Variants in WDR41 observed in about 807,000 individuals in gnomAD.
WDR41 encodes WD repeat domain 41.
Under a neutral mutation model 69.3 loss-of-function variants are expected in WDR41, and 63 were observed. The ratio of observed to expected loss-of-function variants is 0.91; its 90% CI spans 0.74 to 1.12. WDR41 has a LOEUF of 1.12. Ranked by LOEUF, WDR41 falls within the 50% of genes most tolerant of loss-of-function variation. The probability of loss-of-function intolerance (pLI) is 0.00; values close to 1 mark genes in which losing one functional copy is unlikely to be tolerated. For synonymous variants in WDR41, 185 were observed against 192.1 expected (o/e 0.96, Z 0.31); for missense variants, 543 against 534.5 (o/e 1.02, Z -0.16).
chr5:77,584,359 A>C (rs966412956), intron 1 of WDR41, among the ~76,000 whole-genome samples: 1 of 152,212 alleles, frequency 6.6e-6, no homozygotes, highest in Admixed American at 6.5e-5. Context: ...ACACTAAAAA[A>C]CTATTAAAAC....
chr5:77,440,963 C>T lies in WDR41; in HGVS notation c.732G>A (p.Glu244=). The stretch of plus-strand genomic sequence containing the variant: ...AGTCCAGGGCATCCCAGATGATCAG[C>T]TCTCCGACGTGGGAGCCGGTGACAA... ...LSFVTGSHVG[E]LIIWDALDWT... Residue 244 remains glutamate, a synonymous_variant, in exon 9 of 13, where the codon GAG becomes GAA. Transcript: ENST00000296679. The T allele has an allele frequency of 6.2e-7, 1 of 1,613,754 alleles. No individual in the cohort carries two copies. The highest frequency in any genetic ancestry group is 8.5e-7 in the Non-Finnish European group (1 of 1,179,920).
At chr5:77,521,296 G>T (rs1802367371) in intron 1 of WDR41, among the ~76,000 whole-genome samples, 1 of 152,236 alleles carries the variant, frequency 6.6e-6, no homozygotes, top group Admixed American at 6.5e-5. Flanking sequence ...TTGAGCTCCT[G>T]TGAGAATCTA....
chr5:77,549,951 A>G (rs1223331287), intron 1 of WDR41, among the ~76,000 whole-genome samples: 2 of 152,164 alleles, frequency 1.3e-5, no homozygotes, highest in Non-Finnish European at 2.9e-5. Flanking sequence ...CACACCTGCA[A>G]CCATCTGATA....
At chr5:77,471,575 T>TA (rs1470061350) in intron 2 of WDR41, among the ~76,000 whole-genome samples, 1 of 151,708 alleles carries the variant, frequency 6.6e-6, no homozygotes, top group East Asian at 1.9e-4. Context: ...ATAGACGCAA[T>TA]AAAAAATGAT....
chr5:77,582,848 G>T (rs1184082515), intron 1 of WDR41: 35 of 1,603,192 alleles, frequency 2.2e-5, no homozygotes, highest in Non-Finnish European at 2.5e-5. Context: ...TACAAGCGTG[G>T]TTATGGCAAA....
At chr5:77,542,728 T>C (rs908102288) in intron 1 of WDR41, among the ~76,000 whole-genome samples, 1 of 152,036 alleles carries the variant, frequency 6.6e-6, no homozygotes, top group African/African-American at 2.4e-5. Context: ...GACATCTAAA[T>C]AGAAAAAAGA....
rs202104824 is a variant in WDR41 at position 77,492,241 on chromosome 5, G to A, written c.-21C>T. On this transcript the variant is annotated 5_prime_UTR_variant, in exon 1 of 13. Transcript: ENST00000296679. ...AACATCCGGGCAGCGGCGGCGTCTT[G>A]CCCGGTCCAGCCCCAGTCAGCCCAA... is the stretch of plus-strand genomic sequence containing the variant. The A allele has an allele frequency of 2.5e-5, 40 of 1,611,550 alleles. No homozygotes were observed. The African/African-American group carries it at 5.2e-4, about 21-fold the overall frequency.
intron 11 of WDR41, 45 bp downstream of exon 11, chr5:77,437,290 GA>G: frequency 6.6e-7 from 1 of 1,515,366 alleles, no homozygotes. Context: ...TTTCACGTGA[GA>G]AAAAAGGAGA....
At chr5:77,492,532 G>C (rs1467154454), upstream of WDR41, 3 of 351,556 alleles carry the variant, frequency 8.5e-6, no homozygotes, top group African/African-American at 6.4e-5. Flanking sequence ...GCGCCGCCGG[G>C]TAGCGCACGG....
intron 2 of WDR41, among the ~76,000 whole-genome samples, chr5:77,472,244 C>G (rs569085441): frequency 4.1e-4 from 63 of 152,318 alleles, no homozygotes; most frequent in South Asian, 1.2e-3. Flanking sequence ...TAAAAACTCT[C>G]AATAAATTAG....
upstream of WDR41, among the ~76,000 whole-genome samples, chr5:77,494,378 A>C (rs1801908942): frequency 6.6e-6 from 1 of 152,088 alleles, no homozygotes; most frequent in Non-Finnish European, 1.5e-5. Flanking sequence ...TGACAAAAAA[A>C]AACCAAACTC....
At chr5:77,592,043 A>G (rs1253624110) in intron 1 of WDR41, among the ~76,000 whole-genome samples, 1 of 152,118 alleles carries the variant, frequency 6.6e-6, no homozygotes, top group Non-Finnish European at 1.5e-5. Context: ...TATTGAGGCC[A>G]TGTTATTAAG....
At position 77,574,500 on chromosome 5, in the gene WDR41, T is replaced by C. The variant is rs540480237; in HGVS notation, c.42+45979A>G. 2.5e-3 allele frequency among the ~76,000 whole-genome samples: 377 copies of C among 152,226 alleles called. 1 individual carries two copies. The highest frequency in any genetic ancestry group is 8.7e-3 in the African/African-American group (360 of 41,520). On this transcript the variant is annotated intron_variant, in intron 1 of 5. Coordinates refer to the WDR41 transcript ENST00000509971. ...GTGACGTATAAGCCAATAAACACTA[T>C]GTAGGTTTTTTATGTATATTTTTTT... is the stretch of plus-strand genomic sequence containing the variant.
intron 1 of WDR41, among the ~76,000 whole-genome samples, chr5:77,601,929 T>C (rs147079099): frequency 2.2e-4 from 34 of 152,354 alleles, no homozygotes; most frequent in East Asian, 1.4e-3. Context: ...TTGAATCCAT[T>C]AGCTCAAGTA....
At chr5:77,490,822 CA>C (rs1009202397) in intron 1 of WDR41, among the ~76,000 whole-genome samples, 80 of 152,318 alleles carry the variant, frequency 5.3e-4, no homozygotes, top group African/African-American at 1.9e-3. Context: ...CAATAATCCA[CA>C]ATCTCAAGGA....
Position 77,451,284 on chromosome 5 carries a change from T to C in WDR41, c.586+7A>G. The C allele has an allele frequency of 1.2e-6, 2 of 1,613,408 alleles. No homozygotes were observed. Among genetic ancestry groups the C allele is most frequent in the Non-Finnish European group, 1.7e-6 (2 of 1,179,602 alleles). On this transcript the variant is annotated splice_region_variant and intron_variant, in intron 7 of 12. Coordinates refer to ENST00000296679, the MANE Select transcript of WDR41 (RefSeq NM_018268.4). ...AAATACACAAAAAGAAAAAAATTCATACTCACTCAGTTCTTTGCCAACTGC... is the reference window on the plus strand; with the variant it reads ...AAATACACAAAAAGAAAAAAATTCACACTCACTCAGTTCTTTGCCAACTGC...
rs557674590 is a variant in WDR41, at chr5:77,567,075, G to T, written c.42+53404C>A. Among the ~76,000 whole-genome samples, 22 of 152,230 alleles carry T rather than the reference G, an allele frequency of 1.4e-4. No individual in the cohort carries two copies. The South Asian group carries it at 4.6e-3, about 32-fold the overall frequency. ...ATGCTAAAAACAAATGAGGTAGAGCGACAGAGTCCATTGCTCTATTTACAC... is the reference window on the plus strand; with the variant it reads ...ATGCTAAAAACAAATGAGGTAGAGCTACAGAGTCCATTGCTCTATTTACAC... On this transcript the variant is annotated intron_variant, in intron 1 of 5. Coordinates refer to the WDR41 transcript ENST00000509971.
chr5:77,536,647 T>A (rs922309360), intron 1 of WDR41, among the ~76,000 whole-genome samples: 29 of 152,210 alleles, frequency 1.9e-4, no homozygotes, highest in Admixed American at 4.6e-4. Flanking sequence ...TTACCGTACC[T>A]TTTCTATGTT....
intron 9 of WDR41, among the ~76,000 whole-genome samples, chr5:77,439,748 G>A (rs1032778302): frequency 1.1e-4 from 17 of 152,240 alleles, no homozygotes; most frequent in African/African-American, 4.1e-4. Context: ...AGCATATATA[G>A]TAGAAAATAA....
Sources: gnomAD v4.1 joint callset for allele counts (sites outside exome capture counted in the v4.1 genomes callset) on GRCh38, gnomAD v4.1.1 for gene constraint, MANE v1.5 for transcripts, NCBI Gene and HGNC (gene_info 2026-07-23, HGNC 2026-07-21) for gene names.